Variants in RIPOR3 observed in about 807,000 individuals in gnomAD.
The protein encoded by RIPOR3 is RIPOR family member 3.
RIPOR3 carries 95 observed loss-of-function variants against 114.3 expected under a neutral mutation model. The ratio of observed to expected loss-of-function variants is 0.83; its 90% CI spans 0.70 to 0.99. The LOEUF is 0.99. RIPOR3 is among the 50% of genes least tolerant of loss of function. The pLI is 0.00. For synonymous variants in RIPOR3, 575 were observed against 543.8 expected, an observed-to-expected ratio of 1.06 and a Z score of -0.80; for missense variants, 1,252 against 1,266.9, an observed-to-expected ratio of 0.99 and a Z score of 0.18.
At chr20:50,633,980 CTTTTTTTTT>C (rs375758598) in intron 1 of RIPOR3, among the ~76,000 whole-genome samples, 1 of 131,038 alleles carries the variant, frequency 7.6e-6, no homozygotes. Context: ...TCTTTCTTTT[CTTTTTTTTT>C]TTTTTTTTTT....
At chr20:50,615,108 AGTGTGTGTGTGTGTGTGTGTGT>A (rs56136460) in intron 4 of RIPOR3, among the ~76,000 whole-genome samples, 1 of 138,414 alleles carries the variant, frequency 7.2e-6, no homozygotes. Context: ...GCTATTTGTG[AGTGTGTGTGTGTGTGTGTGTGT>A]GTGTGTGTGT....
rs748828882 is a variant in RIPOR3 at position 50,595,494 on chromosome 20, G to A, written c.1925C>T (p.Ser642Phe). 5.0e-6 allele frequency: 8 copies of A among 1,613,898 alleles called. No individual in the cohort carries two copies. In the Admixed American group the frequency reaches 8.3e-5, roughly 17 times the overall value. ...CTGGACCAGCCTTGATAAATTAGGG[G>A]AGGCCAGTTTCTGGGAAGCAGCCCA... ...VCKALLQKLA[S>F]PNLSRLVQEC... The change falls in exon 16 of 22, where the codon TCC (serine) becomes TTC (phenylalanine). Residue 642 changes from serine to phenylalanine, a missense_variant. Coordinates refer to ENST00000327979, the MANE Select transcript of RIPOR3 (RefSeq NM_001290268.2).
At position 50,609,737 on chromosome 20, in the gene RIPOR3, C is replaced by T. The variant is rs946450741; in HGVS notation, c.427-15G>A. On this transcript the variant is annotated splice_polypyrimidine_tract_variant and intron_variant, in intron 6 of 21. Coordinates refer to ENST00000327979, the MANE Select transcript of RIPOR3 (RefSeq NM_001290268.2). ...AGCTCATCCACCTGTGGTGGGCACA[C>T]GGGCTGGTGGCGCTGCCCACGCGGA... The T allele has an allele frequency of 9.5e-6, 13 of 1,362,388 alleles. No homozygotes were observed. Among genetic ancestry groups the T allele is most frequent in the Admixed American group, 3.7e-5 (1 of 27,330 alleles). The allele number at this position is 1,362,388 out of a possible 1,614,324, so 84.4% of individuals were successfully genotyped here.
chr20:50,679,414 GGGA>G (rs958490788), intron 1 of RIPOR3, among the ~76,000 whole-genome samples: 5 of 150,866 alleles, frequency 3.3e-5, no homozygotes, highest in Non-Finnish European at 7.4e-5. Context: ...AGGCTGAGGT[GGGA>G]GGATCGCTTG....
Position 50,601,113 on chromosome 20 carries a change from G to A in RIPOR3, c.1659+959C>T, listed in dbSNP as rs1210586277. Among the ~76,000 whole-genome samples, 7 of 152,296 alleles carry A rather than the reference G, an allele frequency of 4.6e-5. No homozygotes were observed. In the South Asian group the frequency reaches 8.3e-4, roughly 18 times the overall value. On this transcript the variant is annotated intron_variant, in intron 13 of 21. Transcript: ENST00000327979. ...CAGAGCAGGAAGGGATGGGCCTGCC[G>A]GGGCCAGGTGGGAGTTGCCATTTAA...
rs1029442258 is a variant in RIPOR3 at position 50,596,346 on chromosome 20, G to A, written c.1791-83C>T. On this transcript the variant is annotated intron_variant, in intron 14 of 21. Coordinates refer to ENST00000327979, the MANE Select transcript of RIPOR3 (RefSeq NM_001290268.2). ...GGTGGGGGAACCCTCCCTTCCCAGCGAGCCCCAGGTCAGGAGGCCCACTCC... is the reference window on the plus strand; with the variant it reads ...GGTGGGGGAACCCTCCCTTCCCAGCAAGCCCCAGGTCAGGAGGCCCACTCC... 3.8e-6 allele frequency: 6 copies of A among 1,583,582 alleles called. No homozygotes were observed. In the African/African-American group the frequency reaches 4.0e-5, roughly 11 times the overall value.
chr20:50,670,859 C>T (rs2086453219), intron 1 of RIPOR3, among the ~76,000 whole-genome samples: 1 of 152,182 alleles, frequency 6.6e-6, no homozygotes, highest in Non-Finnish European at 1.5e-5. Flanking sequence ...GCCAAGGCAG[C>T]TTCTAGCATG....
intron 2 of RIPOR3, among the ~76,000 whole-genome samples, chr20:50,629,950 T>C (rs1480859189): frequency 1.3e-5 from 2 of 152,092 alleles, no homozygotes; most frequent in African/African-American, 4.8e-5. Context: ...TCTGGTTTTT[T>C]GGTTTTTCTT....
At chr20:50,614,971 C>T (rs113284755) in intron 4 of RIPOR3, among the ~76,000 whole-genome samples, 4 of 152,116 alleles carry the variant, frequency 2.6e-5, no homozygotes, top group South Asian at 2.1e-4. Context: ...GCAGGACAAT[C>T]GCTTGAATCT....
chr20:50,629,667 C>T lies in RIPOR3; in HGVS notation c.122+1071G>A, dbSNP rs1600628970. Among the ~76,000 whole-genome samples the T allele has an allele frequency of 3.3e-5, 5 of 152,242 alleles. No homozygotes were observed. The South Asian group carries it at 1.0e-3, about 31-fold the overall frequency. On this transcript the variant is annotated intron_variant, in intron 2 of 21. Coordinates refer to ENST00000327979, the MANE Select transcript of RIPOR3 (RefSeq NM_001290268.2). The stretch of plus-strand genomic sequence containing the variant: ...TCCCTCATCCGGTAACCCCCCACAG[C>T]ACCAGCTGCACCGGCTGCTGGCCCT...
chr20:50,597,827 C>T (rs762765567), intron 13 of RIPOR3, 117 bp from the exon 14 acceptor site: 6 of 1,428,366 alleles, frequency 4.2e-6, no homozygotes, highest in Non-Finnish European at 5.6e-6. Context: ...GCCCCAATCC[C>T]ACACACCGTC....
At position 50,643,594 on chromosome 20, in the gene RIPOR3, G is replaced by A. The variant is rs989829901; in HGVS notation, c.4-12738C>T. The stretch of plus-strand genomic sequence containing the variant: ...CCCCTGAGGCTATGTCTTGGGTCAT[G>A]GTCACTCATAAATAAATTGTTTTAA... On this transcript the variant is annotated intron_variant, in intron 1 of 21. Coordinates refer to ENST00000327979, the MANE Select transcript of RIPOR3 (RefSeq NM_001290268.2). Among the ~76,000 whole-genome samples, 5 of 151,860 alleles carry A rather than the reference G, an allele frequency of 3.3e-5. No individual in the cohort carries two copies. In the East Asian group the frequency reaches 9.8e-4, roughly 30 times the overall value.
chr20:50,630,599 C>T, intron 2 of RIPOR3, 139 bp downstream of exon 2: 1 of 621,876 alleles, frequency 1.6e-6, no homozygotes, highest in Non-Finnish European at 2.8e-6. Flanking sequence ...CTCTCTCTCT[C>T]TGTCTCTCTC....
At chr20:50,673,079 A>G (rs1050414187) in intron 1 of RIPOR3, among the ~76,000 whole-genome samples, 1 of 152,164 alleles carries the variant, frequency 6.6e-6, no homozygotes, top group Non-Finnish European at 1.5e-5. Context: ...GGTCCAGGAG[A>G]AGGCTCCTAC....
rs368632705 is a variant in RIPOR3 at position 50,681,166 on chromosome 20, A to C, written c.3+9960T>G. The stretch of plus-strand genomic sequence containing the variant: ...CTTGAGCCCAGGAGGTGGAGGCTGC[A>C]GTGAGCCAAGATTGCACCACTGCAC... On this transcript the variant is annotated intron_variant, in intron 1 of 21. Transcript: ENST00000327979. Among the ~76,000 whole-genome samples, 374 of 142,994 alleles carry C rather than the reference A, an allele frequency of 2.6e-3. 5 individuals carry two copies. Among genetic ancestry groups the C allele is most frequent in the African/African-American group, 8.9e-3 (347 of 39,044 alleles). The allele number at this position is 142,994 out of a possible 152,430, so 93.8% of individuals were successfully genotyped here.
chr20:50,668,084 G>A (rs894925019), intron 1 of RIPOR3, among the ~76,000 whole-genome samples: 2 of 152,192 alleles, frequency 1.3e-5, no homozygotes, highest in Non-Finnish European at 2.9e-5. Context: ...ATTCTGCCAT[G>A]GGAGTATGAC....
chr20:50,588,205 C>G (rs1466020840), intron 20 of RIPOR3, among the ~76,000 whole-genome samples: 2 of 152,246 alleles, frequency 1.3e-5, no homozygotes, highest in Non-Finnish European at 2.9e-5. Flanking sequence ...CTTCCTGCCT[C>G]CCTCACGCTC....
chr20:50,670,135 C>CAACAAGA (rs2086415179), intron 1 of RIPOR3, among the ~76,000 whole-genome samples: 1 of 112,554 alleles, frequency 8.9e-6, no homozygotes, highest in South Asian at 2.8e-4. Context: ...CCAGCCTGGG[C>CAACAAGA]AACAAGAGCA....
chr20:50,669,931 T>G (rs1600733032), intron 1 of RIPOR3, among the ~76,000 whole-genome samples: 2 of 146,382 alleles, frequency 1.4e-5, no homozygotes, highest in African/African-American at 2.5e-5. Context: ...CCAAGGCGGG[T>G]GGATCACCTG....
Sources: allele counts gnomAD v4.1 joint callset (sites outside exome capture counted in the v4.1 genomes callset), GRCh38; gene constraint gnomAD v4.1.1; transcripts MANE v1.5; gene names NCBI Gene and HGNC (gene_info 2026-07-23, HGNC 2026-07-21).